ALK: variants seen among roughly 807,000 people sequenced by gnomAD.
The protein encoded by ALK is ALK tyrosine kinase receptor.
Under a neutral mutation model 163.1 loss-of-function variants are expected in ALK, and 74 were observed. The observed-to-expected ratio is 0.45, with a 90% CI of 0.38 to 0.55. The LOEUF (loss-of-function observed/expected upper bound fraction) is 0.55, where lower values mean the gene tolerates loss of function less well. Among genes scored for constraint, ALK ranks in the 20% least tolerant of loss-of-function variants. The pLI, the probability that ALK is intolerant of heterozygous loss-of-function variation, is 0.00. For synonymous variants in ALK, 960 were observed against 843.2 expected (o/e 1.14, Z -2.40); for missense variants, 2,063 against 2,105.3 (o/e 0.98, Z 0.39).
rs946999816 is a variant in ALK, at chr2:29,518,263, T to C, written c.1154+13652A>G. Among the ~76,000 whole-genome samples the C allele has an allele frequency of 2.6e-5, 4 of 152,330 alleles. No individual in the cohort carries two copies. The East Asian group carries it at 5.8e-4, about 22-fold the overall frequency. ...TGGGCCTGATGCAATTTACTCAGTA[T>C]AAAAATGTCTCTGGCAATTAGGGGA... On this transcript the variant is annotated intron_variant, in intron 4 of 28. Coordinates refer to ENST00000389048, the MANE Select transcript of ALK (RefSeq NM_004304.5).
At chr2:29,702,385 G>A (rs1678768904) in intron 2 of ALK, among the ~76,000 whole-genome samples, 1 of 152,302 alleles carries the variant, frequency 6.6e-6, no homozygotes, top group Admixed American at 6.5e-5. Context: ...CTGGGGGCAG[G>A]ACAGGAGCCA....
chr2:29,502,680 G>A (rs760618106), intron 4 of ALK, among the ~76,000 whole-genome samples: 1 of 150,908 alleles, frequency 6.6e-6, no homozygotes, highest in African/African-American at 2.5e-5. Context: ...TAATGAGATG[G>A]GGCACATATT....
chr2:29,333,204 C>T (rs1377019787), intron 5 of ALK, among the ~76,000 whole-genome samples: 2 of 152,186 alleles, frequency 1.3e-5, no homozygotes, highest in African/African-American at 4.8e-5. Context: ...CAACCTCCGC[C>T]TCCTGGGTTG....
chr2:29,711,272 C>T (rs1466299935), intron 2 of ALK, among the ~76,000 whole-genome samples: 1 of 152,166 alleles, frequency 6.6e-6, no homozygotes, highest in Non-Finnish European at 1.5e-5. Context: ...CACCTTTGCA[C>T]ATGCATCCCT....
At chr2:29,813,976 G>C (rs954088001) in intron 1 of ALK, among the ~76,000 whole-genome samples, 4 of 152,156 alleles carry the variant, frequency 2.6e-5, no homozygotes, top group Non-Finnish European at 5.9e-5. Context: ...ACATCCGAGA[G>C]GCTATCTCTT....
At chr2:29,819,381 T>G (rs1664983344) in intron 1 of ALK, among the ~76,000 whole-genome samples, 1 of 152,238 alleles carries the variant, frequency 6.6e-6, no homozygotes, top group Non-Finnish European at 1.5e-5. Flanking sequence ...CATATCTCAG[T>G]CTCCTCATCT....
chr2:29,357,108 G>A (rs1340335592), intron 5 of ALK, among the ~76,000 whole-genome samples: 8 of 152,094 alleles, frequency 5.3e-5, no homozygotes, highest in African/African-American at 1.7e-4. Flanking sequence ...TATAACGAAC[G>A]CCTCTGAGTT....
At chr2:29,763,779 A>T (rs1680781394) in intron 1 of ALK, among the ~76,000 whole-genome samples, 1 of 152,116 alleles carries the variant, frequency 6.6e-6, no homozygotes, top group Non-Finnish European at 1.5e-5. Context: ...ACCTTAACTC[A>T]TGTCCCCTAA....
chr2:29,201,781 TAA>T (rs34316026), intron 26 of ALK, among the ~76,000 whole-genome samples: 3,394 of 138,320 alleles, frequency 0.025, 111 homozygotes, highest in African/African-American at 0.079. Flanking sequence ...AATGACAGTC[TAA>T]AAAAAAAAAA....
At chr2:29,776,882 A>G (rs749867736) in intron 1 of ALK, among the ~76,000 whole-genome samples, 3 of 152,200 alleles carry the variant, frequency 2.0e-5, no homozygotes, top group Non-Finnish European at 4.4e-5. Flanking sequence ...GAAGCTAAGA[A>G]AATTTCAGGA....
intron 3 of ALK, among the ~76,000 whole-genome samples, chr2:29,546,865 T>A (rs1673568575): frequency 1.3e-5 from 2 of 152,248 alleles, no homozygotes; most frequent in Admixed American, 1.3e-4. Flanking sequence ...CAAGTTCTGA[T>A]GTTCCATCTA....
chr2:29,759,032 T>C (rs972011254), intron 1 of ALK, among the ~76,000 whole-genome samples: 1 of 152,158 alleles, frequency 6.6e-6, no homozygotes, highest in Non-Finnish European at 1.5e-5. Flanking sequence ...GACACAAGAA[T>C]ATAAGAATAT....
At chr2:29,587,975 C>G (rs1385866350) in intron 3 of ALK, among the ~76,000 whole-genome samples, 1 of 152,140 alleles carries the variant, frequency 6.6e-6, no homozygotes, top group Admixed American at 6.5e-5. Flanking sequence ...CAAGACATGC[C>G]TCTTCTAGTT....
intron 1 of ALK, among the ~76,000 whole-genome samples, chr2:29,814,336 G>T (rs1363928255): frequency 6.6e-6 from 1 of 151,906 alleles, no homozygotes; most frequent in Non-Finnish European, 1.5e-5. Context: ...CTCCAGTCAA[G>T]CACCTCATCT....
intron 2 of ALK, among the ~76,000 whole-genome samples, chr2:29,705,235 AAAGAAATATATATATAT>A (rs1273363192): frequency 5.3e-5 from 6 of 114,146 alleles, no homozygotes; most frequent in African/African-American, 1.2e-4. Context: ...AAAGAAAAGA[AAAGAAATATATATATAT>A]ATATATATAT....
intron 1 of ALK, among the ~76,000 whole-genome samples, chr2:29,865,590 G>C (rs1310105560): frequency 1.3e-5 from 2 of 152,100 alleles, no homozygotes; most frequent in East Asian, 3.9e-4. Flanking sequence ...CAAAGTCTAG[G>C]GTGAAGAACT....
intron 12 of ALK, among the ~76,000 whole-genome samples, chr2:29,244,884 T>A (rs1438230883): frequency 2.6e-5 from 4 of 152,272 alleles, no homozygotes; most frequent in Admixed American, 2.0e-4. Flanking sequence ...AACTTTTCTG[T>A]CCTGTGGTCT....
At chr2:29,292,889 G>A (rs1227139542) in intron 9 of ALK, among the ~76,000 whole-genome samples, 5 of 151,988 alleles carry the variant, frequency 3.3e-5, no homozygotes, top group African/African-American at 9.7e-5. Flanking sequence ...CTTATTCACC[G>A]AGCCTTCCCG....
At chr2:29,203,512 T>TTTTTTTTTTTTTTTTTTTTTTTTTTG (rs869138004) in intron 26 of ALK, among the ~76,000 whole-genome samples, 1 of 127,628 alleles carries the variant, frequency 7.8e-6, no homozygotes, top group Admixed American at 8.0e-5. Flanking sequence ...TTTTTTTTTT[T>TTTTTTTTTTTTTTTTTTTTTTTTTTG]GTGAGACAGA....
Sources: allele counts gnomAD v4.1 joint callset (sites outside exome capture counted in the v4.1 genomes callset), GRCh38; gene constraint gnomAD v4.1.1; transcripts MANE v1.5; gene names NCBI Gene and HGNC (gene_info 2026-07-23, HGNC 2026-07-21).